PDRG1: variants seen among roughly 807,000 people sequenced by gnomAD.
The protein encoded by PDRG1 is p53 and DNA damage regulated 1, also known as p53 and DNA damage-regulated protein 1.
In PDRG1, 14 loss-of-function variants were observed where a neutral mutation model predicts 18.4. The ratio of observed to expected loss-of-function variants is 0.76; its 90% CI spans 0.50 to 1.19. The LOEUF is 1.19. Ranked by LOEUF, PDRG1 falls within the 50% of genes most tolerant of loss-of-function variation. PDRG1 has a pLI of 0.00. For missense variants in PDRG1, 177 were observed against 160.1 expected (o/e 1.11, Z -0.57); for synonymous variants, 65 against 60.9 (o/e 1.07, Z -0.31).
rs1391685466 is a variant in PDRG1 at position 31,945,658 on chromosome 20, C to T, written c.*149G>A. Reference sequence around the variant, plus strand: ...TTCCCTCCTGCCATCACAGAGTAGCCAAGCACTACAAAGAGGTTTTCATGG... The same window carrying T: ...TTCCCTCCTGCCATCACAGAGTAGCTAAGCACTACAAAGAGGTTTTCATGG... On this transcript the variant is annotated 3_prime_UTR_variant, in exon 5 of 5. Transcript: ENST00000202017. 10 of 585,944 alleles carry T rather than the reference C, an allele frequency of 1.7e-5. No homozygotes were observed. The highest frequency in any genetic ancestry group is 2.9e-5 in the Non-Finnish European group (10 of 340,742). The allele number at this position is 585,944 out of a possible 1,614,324, so 36.3% of individuals were successfully genotyped here. A position where few individuals can be genotyped will look rare whatever the true frequency, so the allele number is the denominator to read the frequency against.
intron 1 of PDRG1, among the ~76,000 whole-genome samples, chr20:31,950,892 T>A (rs1228119597): frequency 1.3e-5 from 2 of 152,212 alleles, no homozygotes; most frequent in African/African-American, 4.8e-5. Context: ...GTGCTGGTTC[T>A]GGATTTGGAA....
intron 2 of PDRG1, 127 bp downstream of exon 2, chr20:31,950,185 T>C: frequency 2.6e-6 from 2 of 784,298 alleles, no homozygotes; most frequent in South Asian, 1.7e-5. Flanking sequence ...CCGGACTGTT[T>C]CAATTTCCCA....
Position 31,945,565 on chromosome 20 carries a change from G to T in PDRG1, c.*242C>A. ...CCACACACCCACTGGTGGCTACCAA[G>T]GCCCGTCAATAGATCTTGTGTCCAC... On this transcript the variant is annotated 3_prime_UTR_variant, in exon 5 of 5. Transcript: ENST00000202017. 1 of 430,262 alleles carries T rather than the reference G, an allele frequency of 2.3e-6. No homozygotes were observed. The allele number at this position is 430,262 out of a possible 1,614,324, so 26.7% of individuals were successfully genotyped here.
rs2064354881 is a variant in PDRG1 at position 31,951,890 on chromosome 20, C to T, written c.72G>A (p.Leu24=). The T allele has an allele frequency of 6.3e-7, 1 of 1,588,100 alleles. No individual in the cohort carries two copies. The highest frequency in any genetic ancestry group is 8.6e-7 in the Non-Finnish European group (1 of 1,168,680). Residue 24 remains leucine (L), a synonymous_variant, in exon 1 of 5, where the codon CTG becomes CTA. Coordinates refer to ENST00000202017, the MANE Select transcript of PDRG1 (RefSeq NM_030815.3). The stretch of plus-strand genomic sequence containing the variant: ...GGCCTCTCACCTGCCGCTTGTCCGC[C>T]AGCACCTCCTCGGCGAGCTCCTCCA... ...VEVEELAEEV[L]ADKRQIVDLD...
intron 4 of PDRG1, among the ~76,000 whole-genome samples, chr20:31,946,140 G>A (rs1449568472): frequency 1.3e-5 from 2 of 152,168 alleles, no homozygotes; most frequent in Non-Finnish European, 2.9e-5. Flanking sequence ...AATCTAGAGT[G>A]CTTGCATTTA....
chr20:31,951,905 G>T lies in PDRG1; in HGVS notation c.57C>A (p.Leu19=). 1.3e-6 allele frequency: 2 copies of T among 1,591,506 alleles called. No individual in the cohort carries two copies. The highest frequency in any genetic ancestry group is 1.7e-6 in the Non-Finnish European group (2 of 1,169,996). The change falls in exon 1 of 5, where the codon CTC becomes CTA. Residue 19 remains leucine, a synonymous_variant. Transcript: ENST00000202017. ...VLRYLVEVEE[L]AEEVLADKRQ... is the part of the protein sequence containing the mutation. ...GCTTGTCCGCCAGCACCTCCTCGGCGAGCTCCTCCACTTCTACAAGGTACC... is the reference window on the plus strand; with the variant it reads ...GCTTGTCCGCCAGCACCTCCTCGGCTAGCTCCTCCACTTCTACAAGGTACC...
At chr20:31,951,652 A>C (rs2064353064) in intron 1 of PDRG1, among the ~76,000 whole-genome samples, 1 of 152,204 alleles carries the variant, frequency 6.6e-6, no homozygotes, top group Non-Finnish European at 1.5e-5. Flanking sequence ...CCAGAGCATG[A>C]TGGGTCGAGA....
rs1016174803 is a variant in PDRG1, at chr20:31,945,634, T to C, written c.*173A>G. On this transcript the variant is annotated 3_prime_UTR_variant, in exon 5 of 5. Coordinates refer to ENST00000202017, the MANE Select transcript of PDRG1 (RefSeq NM_030815.3). ...TCCAGCAGCCAGACAGGCTGAAGGTTCCCTCCTGCCATCACAGAGTAGCCA... is the reference window on the plus strand; with the variant it reads ...TCCAGCAGCCAGACAGGCTGAAGGTCCCCTCCTGCCATCACAGAGTAGCCA... 13 of 520,468 alleles carry C rather than the reference T, an allele frequency of 2.5e-5. No homozygotes were observed. The highest frequency in any genetic ancestry group is 1.8e-4 in the Admixed American group (5 of 27,362). 32.2% of individuals were successfully genotyped at this position (520,468 alleles called of 1,614,324 possible). A position where few individuals can be genotyped will look rare whatever the true frequency, so the allele number is the denominator to read the frequency against.
chr20:31,949,188 G>T (rs960186815), intron 2 of PDRG1, among the ~76,000 whole-genome samples: 2 of 152,224 alleles, frequency 1.3e-5, no homozygotes, highest in Non-Finnish European at 2.9e-5. Flanking sequence ...GAAAGTGAGA[G>T]TGTGAGCCCT....
At chr20:31,946,874 C>T (rs1279215615) in intron 3 of PDRG1, among the ~76,000 whole-genome samples, 1 of 152,148 alleles carries the variant, frequency 6.6e-6, no homozygotes, top group Non-Finnish European at 1.5e-5. Flanking sequence ...TTTAGGCTGC[C>T]CTCCCACAAT....
chr20:31,948,748 T>C, intron 3 of PDRG1, 60 bp downstream of exon 3: 1 of 1,507,470 alleles, frequency 6.6e-7, no homozygotes, highest in Non-Finnish European at 9.1e-7. Flanking sequence ...CTGTTCTGGG[T>C]TAAGACCAAA....
intron 2 of PDRG1, among the ~76,000 whole-genome samples, chr20:31,949,919 G>A (rs1281838011): frequency 2.0e-5 from 3 of 152,062 alleles, no homozygotes; most frequent in Non-Finnish European, 4.4e-5. Flanking sequence ...CATTCTTCTG[G>A]ATATATATTC....
intron 4 of PDRG1, 140 bp from the exon 5 acceptor site, chr20:31,946,029 G>A: frequency 3.1e-6 from 2 of 646,984 alleles, no homozygotes; most frequent in South Asian, 1.9e-5. Flanking sequence ...ATTCTGCAAT[G>A]CACCAGATGA....
Position 31,950,322 on chromosome 20 carries a change from G to C in PDRG1, c.153C>G (p.Leu51=). Residue 51 remains leucine, a synonymous_variant, in exon 2 of 5, where the codon CTC becomes CTG. Coordinates refer to ENST00000202017, the MANE Select transcript of PDRG1 (RefSeq NM_030815.3). The part of the protein sequence containing the change: ...REGLRALQKD[L]SLSEDVMVCF... ...AAAATTTCAACTTACCAGAGAGGCT[G>C]AGATCCTTCTGCAGGGCCCTCAGGC... 6.2e-7 allele frequency: 1 copy of C among 1,609,684 alleles called. No individual in the cohort carries two copies. Among genetic ancestry groups the C allele is most frequent in the East Asian group, 2.2e-5 (1 of 44,864 alleles).
chr20:31,946,656 C>T (rs1330537404), intron 3 of PDRG1, 80 bp from the exon 4 acceptor site: 3 of 1,265,768 alleles, frequency 2.4e-6, no homozygotes, highest in Admixed American at 1.7e-5. Flanking sequence ...GCCAGCCTCT[C>T]CCCAGCAAGG....
Position 31,945,763 on chromosome 20 carries a change from A to G in PDRG1, c.*44T>C, listed in dbSNP as rs760287409. The G allele has an allele frequency of 6.5e-7, 1 of 1,545,202 alleles. No homozygotes were observed. Among genetic ancestry groups the G allele is most frequent in the Non-Finnish European group, 8.9e-7 (1 of 1,119,760 alleles). ...AAGGTTGGAGGGTCCTGGGTCCTCC[A>G]TGACCCTGGGGGGTTGCTGGTCCCC... On this transcript the variant is annotated 3_prime_UTR_variant, in exon 5 of 5. Coordinates refer to ENST00000202017, the MANE Select transcript of PDRG1 (RefSeq NM_030815.3).
At chr20:31,948,578 CAT>C (rs2123679561) in intron 3 of PDRG1, among the ~76,000 whole-genome samples, 1 of 152,344 alleles carries the variant, frequency 6.6e-6, no homozygotes, top group Non-Finnish European at 1.5e-5. Context: ...GCTAGGCACA[CAT>C]ATTGTTTTAC....
At position 31,944,739 on chromosome 20, in the gene PDRG1, TG is replaced by T. The variant is rs2064292238; in HGVS notation, c.*1067del. On this transcript the variant is annotated 3_prime_UTR_variant, in exon 5 of 5. Transcript: ENST00000202017. ...GCTTCTCTTGAAAACACGTAAGAAC[TG>T]GCCATGACAGCCTGTGTTTCTATGT... 6.6e-6 allele frequency: 1 copy of T among 152,228 alleles called. No individual in the cohort carries two copies. Among genetic ancestry groups the T allele is most frequent in the Non-Finnish European group, 1.5e-5 (1 of 68,046 alleles). 9.4% of individuals were successfully genotyped at this position (152,228 alleles called of 1,614,324 possible).
chr20:31,950,232 T>A, intron 2 of PDRG1, 80 bp downstream of exon 2: 1 of 1,117,672 alleles, frequency 8.9e-7, no homozygotes, highest in Non-Finnish European at 1.4e-6. Flanking sequence ...TCCTGCCTGA[T>A]CTCTATCAGG....
Sources: gnomAD v4.1 joint callset for allele counts (sites outside exome capture counted in the v4.1 genomes callset) on GRCh38, gnomAD v4.1.1 for gene constraint, MANE v1.5 for transcripts, NCBI Gene and HGNC (gene_info 2026-07-23, HGNC 2026-07-21) for gene names.